CTNNBL1: variants seen among roughly 807,000 people sequenced by gnomAD.
The protein encoded by CTNNBL1 is catenin beta like 1.
Under a neutral mutation model 72.7 loss-of-function variants are expected in CTNNBL1, and 31 were observed. That is an observed-to-expected ratio of 0.43 (90% CI 0.32 to 0.58). The LOEUF is 0.58. CTNNBL1 is among the 20% of genes least tolerant of loss of function. The pLI, the probability that CTNNBL1 is intolerant of heterozygous loss-of-function variation, is 0.08. For synonymous variants in CTNNBL1, 240 were observed against 267.3 expected, an observed-to-expected ratio of 0.90 and a Z score of 1.00; for missense variants, 534 against 725.1, an observed-to-expected ratio of 0.74 and a Z score of 3.03.
intron 10 of CTNNBL1, among the ~76,000 whole-genome samples, chr20:37,791,603 A>G (rs1830990382): frequency 6.6e-6 from 1 of 152,178 alleles, no homozygotes; most frequent in South Asian, 2.1e-4. Flanking sequence ...TATGGTTTAT[A>G]TCAGAGGTTA....
At position 37,872,041 on chromosome 20, in the gene CTNNBL1, C is replaced by T. The variant is rs2072590373; in HGVS notation, c.*28C>T. ...GCACCTTGGCCCTGCGCATCATGGA[C>T]TCTCTCAGCTTCCCTCCCAGGATCA... is the stretch of plus-strand genomic sequence containing the variant. On this transcript the variant is annotated 3_prime_UTR_variant, in exon 16 of 16. Coordinates refer to ENST00000361383, the MANE Select transcript of CTNNBL1 (RefSeq NM_030877.5). The T allele has an allele frequency of 6.5e-7, 1 of 1,548,888 alleles. No individual in the cohort carries two copies. The highest frequency in any genetic ancestry group is 1.1e-5 in the South Asian group (1 of 89,864).
chr20:37,782,076 GTATC>G (rs1600484433), intron 10 of CTNNBL1, among the ~76,000 whole-genome samples: 1 of 152,056 alleles, frequency 6.6e-6, no homozygotes, highest in Non-Finnish European at 1.5e-5. Context: ...ACTATATAAA[GTATC>G]TAGGAGAATT....
chr20:37,702,220 T>A (rs1023553809), intron 1 of CTNNBL1, among the ~76,000 whole-genome samples: 1 of 152,214 alleles, frequency 6.6e-6, no homozygotes, highest in Non-Finnish European at 1.5e-5. Context: ...GTTCATAATT[T>A]ATTTTTTCCA....
In CTNNBL1 at chr20:37,733,624, G is replaced by A. The variant is rs554111009; in HGVS notation, c.219+557G>A. On this transcript the variant is annotated intron_variant, in intron 2 of 15. Transcript: ENST00000361383. ...TTCTGTGTCCTCTGTTGGAATGCTC[G>A]TCTCCCTTAATGCTTTGTATGACTG... Among the ~76,000 whole-genome samples, 15 of 152,146 alleles carry A rather than the reference G, an allele frequency of 9.9e-5. No homozygotes were observed. In the South Asian group the frequency reaches 2.9e-3, roughly 29 times the overall value.
chr20:37,725,132 C>A (rs1388370048), intron 1 of CTNNBL1, among the ~76,000 whole-genome samples: 2 of 152,116 alleles, frequency 1.3e-5, no homozygotes. Flanking sequence ...GTCTCGAACT[C>A]CTGGGCTCAA....
intron 11 of CTNNBL1, among the ~76,000 whole-genome samples, chr20:37,816,215 C>A (rs2072057482): frequency 6.6e-6 from 1 of 152,152 alleles, no homozygotes; most frequent in Admixed American, 6.5e-5. Flanking sequence ...AGAGAAGCAG[C>A]CCTTTTCTCT....
At position 37,771,687 on chromosome 20, in the gene CTNNBL1, C is replaced by A. The variant is rs2073525895; in HGVS notation, c.750+3643C>A. Among the ~76,000 whole-genome samples the A allele has an allele frequency of 2.6e-5, 4 of 152,016 alleles. No individual in the cohort carries two copies. In the South Asian group the frequency reaches 8.3e-4, roughly 32 times the overall value. ...GAATGACTGGCTCCTCTCTTCCATT[C>A]GTATTTCTAAATTTTACACACCCTT... On this transcript the variant is annotated intron_variant, in intron 7 of 15. Coordinates refer to ENST00000361383, the MANE Select transcript of CTNNBL1 (RefSeq NM_030877.5).
intron 1 of CTNNBL1, among the ~76,000 whole-genome samples, chr20:37,706,981 CA>C (rs1198912991): frequency 1.3e-5 from 2 of 152,058 alleles, no homozygotes; most frequent in Admixed American, 1.3e-4. Context: ...GATGCATTGG[CA>C]ATGAACAGTA....
chr20:37,710,567 C>G (rs1370508479), intron 1 of CTNNBL1, among the ~76,000 whole-genome samples: 1 of 152,106 alleles, frequency 6.6e-6, no homozygotes, highest in Non-Finnish European at 1.5e-5. Context: ...TCTCTTTGCC[C>G]CCCCCACTGC....
chr20:37,796,193 T>C (rs183897633), intron 10 of CTNNBL1, among the ~76,000 whole-genome samples: 3 of 152,312 alleles, frequency 2.0e-5, no homozygotes, highest in East Asian at 3.9e-4. Flanking sequence ...TTACTTCTCT[T>C]AGGCAGCTTC....
chr20:37,705,367 A>G (rs1250959293), intron 1 of CTNNBL1, among the ~76,000 whole-genome samples: 4 of 152,252 alleles, frequency 2.6e-5, no homozygotes, highest in African/African-American at 9.6e-5. Context: ...TAAGTAGTAC[A>G]GTGCCTGACA....
At chr20:37,802,793 A>G (rs2073833216) in intron 10 of CTNNBL1, 74 bp from the exon 11 acceptor site, 11 of 1,253,454 alleles carry the variant, frequency 8.8e-6, no homozygotes, top group Middle Eastern at 2.7e-4. Flanking sequence ...GTACGGCAGC[A>G]AATACCCTTT....
chr20:37,771,881 AC>A (rs1263334955), intron 7 of CTNNBL1, among the ~76,000 whole-genome samples: 4 of 152,142 alleles, frequency 2.6e-5, no homozygotes, highest in African/African-American at 9.7e-5. Flanking sequence ...TAGGATTAAG[AC>A]CCAAGCCTCC....
intron 11 of CTNNBL1, among the ~76,000 whole-genome samples, chr20:37,815,076 A>AGTGTGTGTGTGT (rs11474436): frequency 0.021 from 3,129 of 147,346 alleles, 49 homozygotes; most frequent in African/African-American, 0.053. Context: ...GGACTCTGTG[A>AGTGTGTGTGTGT]GTGTGTGTGT....
chr20:37,866,451 T>C (rs910279700), intron 15 of CTNNBL1, among the ~76,000 whole-genome samples: 5 of 152,190 alleles, frequency 3.3e-5, no homozygotes, highest in African/African-American at 1.2e-4. Flanking sequence ...CTCCAAGCCA[T>C]AGCTCCTGCA....
At chr20:37,781,134 TACTCTCTTG>T (rs1190033191) in intron 10 of CTNNBL1, among the ~76,000 whole-genome samples, 1 of 152,204 alleles carries the variant, frequency 6.6e-6, no homozygotes, top group African/African-American at 2.4e-5. Context: ...TTGCTAGCTT[TACTCTCTTG>T]AGTCTTTTGT....
At chr20:37,831,141 A>G (rs2072205812) in intron 11 of CTNNBL1, among the ~76,000 whole-genome samples, 1 of 152,168 alleles carries the variant, frequency 6.6e-6, no homozygotes, top group Non-Finnish European at 1.5e-5. Context: ...TGCCAGTGTA[A>G]TACATCCAGC....
Position 37,814,378 on chromosome 20 carries a change from C to T in CTNNBL1, c.1213+11330C>T, listed in dbSNP as rs6013130. ...TCTCCCTGGCTCACTTTGTGTGCCT[C>T]TTGTTGGCCTTCAGACCTATCTATC... On this transcript the variant is annotated intron_variant, in intron 11 of 15. Coordinates refer to ENST00000361383, the MANE Select transcript of CTNNBL1 (RefSeq NM_030877.5). Among the ~76,000 whole-genome samples, 462 of 152,292 alleles carry T rather than the reference C, an allele frequency of 3.0e-3. 5 individuals are homozygous for T. The highest frequency in any genetic ancestry group is 1.0e-2 in the African/African-American group (414 of 41,552).
intron 13 of CTNNBL1, among the ~76,000 whole-genome samples, chr20:37,857,563 C>T (rs1007075735): frequency 6.6e-6 from 1 of 152,096 alleles, no homozygotes; most frequent in Non-Finnish European, 1.5e-5. Context: ...TGAAAAGTAG[C>T]CTTGTGTTGC....
Sources: gnomAD v4.1 joint callset for allele counts (sites outside exome capture counted in the v4.1 genomes callset) on GRCh38, gnomAD v4.1.1 for gene constraint, MANE v1.5 for transcripts, NCBI Gene and HGNC (gene_info 2026-07-23, HGNC 2026-07-21) for gene names.